NCOA6: variants seen among roughly 807,000 people sequenced by gnomAD.
The protein encoded by NCOA6 is NRC RAP250.
Under a neutral mutation model 171.4 loss-of-function variants are expected in NCOA6, and 49 were observed. The observed-to-expected ratio is 0.29, with a 90% CI of 0.23 to 0.36. The LOEUF (loss-of-function observed/expected upper bound fraction) is 0.36. Ranked by LOEUF, NCOA6 falls within the 10% of genes least tolerant of loss-of-function variation. The pLI, the probability that NCOA6 is intolerant of heterozygous loss-of-function variation, is 1.00. For missense variants in NCOA6, 2,248 were observed against 2,554.5 expected (o/e 0.88, Z 2.59); for synonymous variants, 910 against 927.5 (o/e 0.98, Z 0.34).
intron 3 of NCOA6, among the ~76,000 whole-genome samples, chr20:34,777,897 A>T (rs1386905399): frequency 6.6e-6 from 1 of 152,158 alleles, no homozygotes. Flanking sequence ...TGGTATATAC[A>T]TACAATGGAA....
chr20:34,746,760 C>T, intron 10 of NCOA6, 47 bp downstream of exon 10: 1 of 1,512,550 alleles, frequency 6.6e-7, no homozygotes, highest in Non-Finnish European at 9.0e-7. Context: ...CCTTGTAATG[C>T]CACATGCACA....
Position 34,757,586 on chromosome 20 carries a change from T to C in NCOA6, c.1162A>G (p.Thr388Ala), listed in dbSNP as rs2076679452. 1.2e-6 allele frequency: 2 copies of C among 1,613,646 alleles called. No homozygotes were observed. The highest frequency in any genetic ancestry group is 1.1e-5 in the South Asian group (1 of 91,080). ...FGSQQASQAH[T>A]NFPQMSNPGQ... ...GGGTTGCTCATCTGAGGAAAGTTTGTGTGGGCTTGTGAGGCTTGCTGGCTG... is the reference window on the plus strand; with the variant it reads ...GGGTTGCTCATCTGAGGAAAGTTTGCGTGGGCTTGTGAGGCTTGCTGGCTG... The change falls in exon 7 of 15, where the codon ACA becomes GCA. Residue 388 changes from threonine (T) to alanine (A), a missense_variant. Physicochemically the swap from Thr to Ala is moderately conservative, Grantham distance 58. Transcript: ENST00000359003.
chr20:34,817,158 A>C (rs2078865329), intron 1 of NCOA6, among the ~76,000 whole-genome samples: 1 of 122,318 alleles, frequency 8.2e-6, no homozygotes, highest in Admixed American at 8.2e-5. Context: ...AAAGCAAAAG[A>C]AAATGTATAT....
intron 1 of NCOA6, among the ~76,000 whole-genome samples, chr20:34,793,485 T>G (rs1222695085): frequency 6.6e-6 from 1 of 152,230 alleles, no homozygotes; most frequent in East Asian, 1.9e-4. Context: ...GGAACTTGCA[T>G]GGTGGTGCAT....
chr20:34,740,815 C>T lies in NCOA6; in HGVS notation c.5441G>A (p.Ser1814Asn), dbSNP rs766738171. ...SGNRRSPVSS[S>N]KGKGKVDKIG... ...TTTGTCCACTTTTCCTTTGCCCTTA[C>T]TAGACGAGACTGGGCTTCGCCGGTT... The change falls in exon 11 of 15, where the codon AGT (serine) becomes AAT (asparagine). Residue 1814 changes from serine (S) to asparagine (N), a missense_variant. By Grantham distance (46) the Ser-to-Asn change is conservative (BLOSUM62 1). This residue lies in a region of NCOA6 where 884 missense variants were observed against 941.9 expected (regional missense o/e 0.94). Coordinates refer to ENST00000359003, the MANE Select transcript of NCOA6 (RefSeq NM_014071.5). 4 of 1,614,258 alleles carry T rather than the reference C, an allele frequency of 2.5e-6. No individual in the cohort carries two copies. The Admixed American group carries it at 5.0e-5, about 20-fold the overall frequency.
At chr20:34,727,546 G>A in intron 13 of NCOA6, 139 bp from the exon 14 acceptor site, 1 of 855,826 alleles carries the variant, frequency 1.2e-6, no homozygotes, top group Non-Finnish European at 1.8e-6. Context: ...AGTTCAACCT[G>A]GGGTAATAAG....
chr20:34,811,892 A>C (rs1253574691), intron 1 of NCOA6, among the ~76,000 whole-genome samples: 4 of 152,230 alleles, frequency 2.6e-5, no homozygotes, highest in Non-Finnish European at 5.9e-5. Context: ...CAATTTGCCT[A>C]GGCATAACTA....
intron 9 of NCOA6, 106 bp from the exon 10 acceptor site, chr20:34,747,034 T>C: frequency 8.8e-7 from 1 of 1,133,264 alleles, no homozygotes; most frequent in South Asian, 2.2e-5. Flanking sequence ...ACTAAAATGT[T>C]TGCATTACCA....
intron 14 of NCOA6, among the ~76,000 whole-genome samples, chr20:34,720,411 G>A (rs1321615516): frequency 6.6e-6 from 1 of 152,204 alleles, no homozygotes; most frequent in Non-Finnish European, 1.5e-5. Flanking sequence ...TCCTGGACTT[G>A]CCCAGAAATC....
At chr20:34,736,577 T>G (rs985509501) in intron 12 of NCOA6, 113 bp downstream of exon 12, 13 of 869,748 alleles carry the variant, frequency 1.5e-5, no homozygotes, top group South Asian at 2.2e-5. Context: ...AGCAAACAGA[T>G]AAAATAGTTC....
At position 34,740,446 on chromosome 20, in the gene NCOA6, T is replaced by C. The variant is rs1308289989; in HGVS notation, c.5810A>G (p.His1937Arg). ...AAGTGACTCAGATGCTATGCCACCATGATTGCTTTTTGTGGTCGGTACGGC... is the reference window on the plus strand; with the variant it reads ...AAGTGACTCAGATGCTATGCCACCACGATTGCTTTTTGTGGTCGGTACGGC... ...ISAVPTTKSN[H>R]GGIASESLAG... The change falls in exon 11 of 15, where the codon CAT becomes CGT. Residue 1937 changes from histidine (H) to arginine (R), a missense_variant. By Grantham distance (29) the His-to-Arg change is conservative (BLOSUM62 0). This residue lies in a region of NCOA6 where 884 missense variants were observed against 941.9 expected (regional missense o/e 0.94). Transcript: ENST00000359003. 2 of 1,613,998 alleles carry C rather than the reference T, an allele frequency of 1.2e-6. No homozygotes were observed. Among genetic ancestry groups the C allele is most frequent in the African/African-American group, 1.3e-5 (1 of 74,908 alleles).
chr20:34,825,413 A>C (rs1279969679), intron 1 of NCOA6, 59 bp downstream of exon 1: 1 of 148,464 alleles, frequency 6.7e-6, no homozygotes, highest in Non-Finnish European at 1.5e-5. Context: ...CCAGCCCGAC[A>C]AGGACCGCGG....
chr20:34,740,716 C>A lies in NCOA6; in HGVS notation c.5540G>T (p.Gly1847Val), dbSNP rs1165241002. ...GSLEKGEEQY[G>V]ADGETEGQGL... Reference sequence around the variant, plus strand: ...TTGGCCTTCAGTCTCTCCATCTGCACCATATTGTTCTTCCCCTTTCTCAAG... The same window carrying A: ...TTGGCCTTCAGTCTCTCCATCTGCAACATATTGTTCTTCCCCTTTCTCAAG... Residue 1847 changes from glycine to valine, a missense_variant, in exon 11 of 15, where the codon GGT (glycine) becomes GTT (valine). Around this residue, in one of 7 missense-constraint regions of NCOA6, gnomAD observed 884 missense variants for 941.9 expected, o/e 0.94. Transcript: ENST00000359003. 2 of 1,614,104 alleles carry A rather than the reference C, an allele frequency of 1.2e-6. No homozygotes were observed. The highest frequency in any genetic ancestry group is 1.3e-5 in the African/African-American group (1 of 74,928).
chr20:34,784,078 C>A (rs926851178), intron 2 of NCOA6, among the ~76,000 whole-genome samples: 9 of 152,010 alleles, frequency 5.9e-5, no homozygotes, highest in African/African-American at 1.9e-4. Flanking sequence ...CCCTAAAAAG[C>A]AACTATATTA....
chr20:34,728,425 TGCTTCTTAGGGGACATTTA>T (rs1423992641), intron 13 of NCOA6, among the ~76,000 whole-genome samples: 1 of 152,190 alleles, frequency 6.6e-6, no homozygotes, highest in Admixed American at 6.5e-5. Context: ...GAGGCAATTT[TGCTTCTTAGGGGACATTTA>T]GCAACATCTG....
At chr20:34,732,856 C>T (rs2075829089) in intron 12 of NCOA6, 2 of 310,156 alleles carry the variant, frequency 6.4e-6, no homozygotes, top group South Asian at 1.5e-4. Flanking sequence ...TTCACCCTTC[C>T]TTGTTCATAT....
At chr20:34,744,965 G>T (rs935596641) in intron 10 of NCOA6, among the ~76,000 whole-genome samples, 6 of 152,166 alleles carry the variant, frequency 3.9e-5, no homozygotes, top group African/African-American at 1.2e-4. Flanking sequence ...AACAGTTAAG[G>T]GCATGGCTGC....
chr20:34,750,660 C>A (rs937875385), intron 8 of NCOA6, 141 bp from the exon 9 acceptor site: 1 of 933,000 alleles, frequency 1.1e-6, no homozygotes, highest in Non-Finnish European at 1.5e-6. Flanking sequence ...TGACATACTT[C>A]CTGTGAGTTT....
At chr20:34,776,967 A>G (rs1320825900) in intron 3 of NCOA6, among the ~76,000 whole-genome samples, 1 of 152,064 alleles carries the variant, frequency 6.6e-6, no homozygotes, top group East Asian at 1.9e-4. Flanking sequence ...AAATATAAAA[A>G]TTTGCTGGGC....
Sources: allele counts gnomAD v4.1 joint callset (sites outside exome capture counted in the v4.1 genomes callset), GRCh38; gene constraint gnomAD v4.1.1; regional missense constraint gnomAD v4.1.1; transcripts MANE v1.5; gene names NCBI Gene and HGNC (gene_info 2026-07-23, HGNC 2026-07-21).